The following ZHX2 variants were observed in gnomAD, a reference collection of about 807,000 sequenced individuals.
The protein encoded by ZHX2 is zinc fingers and homeoboxes 2.
ZHX2 carries 6 observed loss-of-function variants against 21.9 expected under a neutral mutation model. The observed-to-expected ratio is 0.27, with a 90% CI of 0.15 to 0.54. The LOEUF is 0.54. Ranked by LOEUF, ZHX2 falls within the 20% of genes least tolerant of loss-of-function variation. The pLI is 0.95. For missense variants in ZHX2, 908 were observed against 1,090.7 expected, an observed-to-expected ratio of 0.83 and a Z score of 2.36; for synonymous variants, 434 against 437.1, an observed-to-expected ratio of 0.99 and a Z score of 0.09.
chr8:122,871,004 G>A (rs578257582), intron 2 of ZHX2, among the ~76,000 whole-genome samples: 12 of 152,172 alleles, frequency 7.9e-5, no homozygotes, highest in Non-Finnish European at 1.3e-4. Flanking sequence ...CTCTGGAAGC[G>A]TTGCATTTGA....
In ZHX2 at chr8:122,946,087, A is replaced by G. The variant is rs560785446; in HGVS notation, c.-219-5205A>G. ...ACACGCACCACTCGCTATGGAAGGG[A>G]CTGTGTTAGAGTTTATTCTTAACAT... On this transcript the variant is annotated intron_variant, in intron 2 of 3. Transcript: ENST00000314393. Among the ~76,000 whole-genome samples, 4 of 152,314 alleles carry G rather than the reference A, an allele frequency of 2.6e-5. No individual in the cohort carries two copies. In the East Asian group the frequency reaches 7.7e-4, roughly 29 times the overall value.
At chr8:122,911,915 G>A (rs1309630307) in intron 2 of ZHX2, among the ~76,000 whole-genome samples, 1 of 152,166 alleles carries the variant, frequency 6.6e-6, no homozygotes, top group Non-Finnish European at 1.5e-5. Flanking sequence ...CCACCTTTTA[G>A]AGGCGGGGAA....
Position 122,909,816 on chromosome 8 carries a change from A to G in ZHX2, c.-219-41476A>G, listed in dbSNP as rs140174399. 2.0e-3 allele frequency among the ~76,000 whole-genome samples: 298 copies of G among 152,078 alleles called. 1 individual carries two copies. Among genetic ancestry groups the G allele is most frequent in the African/African-American group, 6.7e-3 (276 of 41,466 alleles). ...TCTTGGGCTTCACTCCCTCCCATCC[A>G]TCTTGCAGCCTGCAGCCAGGGCAAT... is the stretch of plus-strand genomic sequence containing the variant. On this transcript the variant is annotated intron_variant, in intron 2 of 3. Transcript: ENST00000314393.
intron 1 of ZHX2, among the ~76,000 whole-genome samples, chr8:122,786,951 C>T (rs909391407): frequency 2.6e-5 from 4 of 152,050 alleles, no homozygotes; most frequent in East Asian, 3.9e-4. Context: ...TGAAAAAACT[C>T]GTGATTCCCC....
chr8:122,932,052 T>C (rs1821007015), intron 2 of ZHX2, among the ~76,000 whole-genome samples: 2 of 152,196 alleles, frequency 1.3e-5, no homozygotes, highest in Non-Finnish European at 2.9e-5. Flanking sequence ...GTGGCAATTT[T>C]GTGGAAACTG....
chr8:122,885,658 G>A (rs546618506), intron 2 of ZHX2, among the ~76,000 whole-genome samples: 12 of 152,298 alleles, frequency 7.9e-5, no homozygotes, highest in African/African-American at 2.2e-4. Context: ...TTGAGGCAGC[G>A]TTGCTAGTGG....
At chr8:122,924,199 C>T (rs185057879) in intron 2 of ZHX2, among the ~76,000 whole-genome samples, 3 of 152,238 alleles carry the variant, frequency 2.0e-5, no homozygotes, top group Non-Finnish European at 4.4e-5. Flanking sequence ...TCAACAGGGC[C>T]GTGCTCCCTC....
intron 1 of ZHX2, among the ~76,000 whole-genome samples, chr8:122,843,472 TC>T (rs1177869289): frequency 1.3e-5 from 2 of 152,204 alleles, no homozygotes; most frequent in Non-Finnish European, 2.9e-5. Context: ...TTTCATTAGT[TC>T]CCCACAAATT....
intron 2 of ZHX2, among the ~76,000 whole-genome samples, chr8:122,950,627 G>T (rs1405870548): frequency 6.6e-6 from 1 of 151,960 alleles, no homozygotes; most frequent in Non-Finnish European, 1.5e-5. Context: ...ATCATGTGTG[G>T]TCTATCCCTA....
rs530290075 is a variant in ZHX2, at chr8:122,923,991, A to G, written c.-219-27301A>G. Among the ~76,000 whole-genome samples the G allele has an allele frequency of 3.9e-5, 6 of 152,270 alleles. No individual in the cohort carries two copies. In the East Asian group the frequency reaches 9.7e-4, roughly 24 times the overall value. On this transcript the variant is annotated intron_variant, in intron 2 of 3. Transcript: ENST00000314393. ...CTGTCCTGATGAAAGATGGGTCCACATTGTCAAAATTGGCAGAATCAGTTA... is the reference window on the plus strand; with the variant it reads ...CTGTCCTGATGAAAGATGGGTCCACGTTGTCAAAATTGGCAGAATCAGTTA...
intron 1 of ZHX2, among the ~76,000 whole-genome samples, chr8:122,817,714 CT>C (rs1818064524): frequency 6.6e-6 from 1 of 152,230 alleles, no homozygotes; most frequent in South Asian, 2.1e-4. Flanking sequence ...GGCCCTGCCC[CT>C]GACCCATCAT....
chr8:122,939,577 G>A (rs1055851256), intron 2 of ZHX2, among the ~76,000 whole-genome samples: 2 of 152,088 alleles, frequency 1.3e-5, no homozygotes, highest in African/African-American at 2.4e-5. Flanking sequence ...CTTTTAACAG[G>A]GAGACCAACT....
intron 1 of ZHX2, among the ~76,000 whole-genome samples, chr8:122,827,341 G>A (rs1039248641): frequency 2.0e-5 from 3 of 152,054 alleles, no homozygotes; most frequent in East Asian, 1.9e-4. Context: ...CCCAGCCTAC[G>A]TAAGCTTTTT....
At chr8:122,787,088 G>GGTATGT (rs1554622233) in intron 1 of ZHX2, among the ~76,000 whole-genome samples, 5 of 148,452 alleles carry the variant, frequency 3.4e-5, no homozygotes, top group African/African-American at 1.2e-4. Flanking sequence ...GATTGGCAGT[G>GGTATGT]GTGTGTGTGT....
At chr8:122,937,830 C>T (rs1812740098) in intron 2 of ZHX2, among the ~76,000 whole-genome samples, 1 of 152,080 alleles carries the variant, frequency 6.6e-6, no homozygotes, top group African/African-American at 2.4e-5. Flanking sequence ...AATCCACCCG[C>T]CTCAGCCTCC....
chr8:122,900,185 A>C (rs1464199820), intron 2 of ZHX2, among the ~76,000 whole-genome samples: 6 of 152,206 alleles, frequency 3.9e-5, no homozygotes, highest in Non-Finnish European at 8.8e-5. Flanking sequence ...GTAATTTATA[A>C]AGAAAAGAGG....
rs908519180 is a variant in ZHX2 at position 122,823,364 on chromosome 8, A to G, written c.-282-40113A>G. ...CCTGCAAAGGCCATCTCGTCTAACC[A>G]TGGGTTAAATGTACTCTCCATCTTC... On this transcript the variant is annotated intron_variant, in intron 1 of 3. Transcript: ENST00000314393. Among the ~76,000 whole-genome samples the G allele has an allele frequency of 1.1e-4, 16 of 152,246 alleles. 2 individuals carry two copies. Among genetic ancestry groups the G allele is most frequent in the African/African-American group, 3.6e-4 (15 of 41,460 alleles).
chr8:122,942,731 A>C (rs1307405801), intron 2 of ZHX2, among the ~76,000 whole-genome samples: 1 of 152,192 alleles, frequency 6.6e-6, no homozygotes, highest in Non-Finnish European at 1.5e-5. Context: ...AGCCACCTTG[A>C]GAAGTTTCCA....
chr8:122,841,260 G>A (rs1586314929), intron 1 of ZHX2, among the ~76,000 whole-genome samples: 1 of 152,178 alleles, frequency 6.6e-6, no homozygotes, highest in East Asian at 1.9e-4. Flanking sequence ...CTAGAGGCCT[G>A]GGGATAGCGG....
Sources: allele counts gnomAD v4.1 joint callset (sites outside exome capture counted in the v4.1 genomes callset), GRCh38; gene constraint gnomAD v4.1.1; transcripts MANE v1.5; gene names NCBI Gene and HGNC (gene_info 2026-07-23, HGNC 2026-07-21).